Variants in RGS17 observed in about 807,000 individuals in gnomAD.
RGS17 encodes the protein regulator of G-protein signaling 17.
Under a neutral mutation model 25.5 loss-of-function variants are expected in RGS17, and 12 were observed. The ratio of observed to expected loss-of-function variants is 0.47; its 90% confidence interval spans 0.30 to 0.76. The LOEUF is 0.76. Among genes scored for constraint, RGS17 ranks in the 30% least tolerant of loss-of-function variants. The probability of loss-of-function intolerance (pLI) is 0.07; values close to 1 mark genes in which losing one functional copy is unlikely to be tolerated. For synonymous variants in RGS17, 71 were observed against 76.9 expected, an observed-to-expected ratio of 0.92 and a Z score of 0.40; for missense variants, 196 against 242.2, an observed-to-expected ratio of 0.81 and a Z score of 1.27.
At chr6:153,022,843 A>C (rs1032180374) in intron 4 of RGS17, among the ~76,000 whole-genome samples, 1 of 152,224 alleles carries the variant, frequency 6.6e-6, no homozygotes, top group African/African-American at 2.4e-5. Flanking sequence ...CGGTGTTAGA[A>C]ATACAGTGTG....
At chr6:153,078,197 T>G (rs1776914766) in intron 1 of RGS17, among the ~76,000 whole-genome samples, 1 of 152,160 alleles carries the variant, frequency 6.6e-6, no homozygotes, top group Non-Finnish European at 1.5e-5. Flanking sequence ...AGGAAATTTA[T>G]CATCAGCTTT....
At chr6:153,017,215 T>C (rs1308718440) in intron 4 of RGS17, among the ~76,000 whole-genome samples, 2 of 151,794 alleles carry the variant, frequency 1.3e-5, no homozygotes, top group African/African-American at 2.4e-5. Flanking sequence ...TTAGCAGTGC[T>C]GAAAAGTCCG....
intron 2 of RGS17, among the ~76,000 whole-genome samples, chr6:153,031,609 C>T (rs1251084263): frequency 6.6e-6 from 1 of 152,212 alleles, no homozygotes; most frequent in Non-Finnish European, 1.5e-5. Flanking sequence ...TTGGAATTCC[C>T]ATCTTCTGAC....
intron 1 of RGS17, among the ~76,000 whole-genome samples, chr6:153,117,645 C>T (rs1777564210): frequency 6.6e-6 from 1 of 152,170 alleles, no homozygotes. Context: ...CTCCAAACCC[C>T]AGTGTTCTTG....
At chr6:153,084,266 A>G (rs1777022807) in intron 1 of RGS17, among the ~76,000 whole-genome samples, 1 of 152,202 alleles carries the variant, frequency 6.6e-6, no homozygotes, top group Non-Finnish European at 1.5e-5. Context: ...CTCCTAGATG[A>G]TCAGTTATAG....
chr6:153,045,654 A>C (rs541853268), intron 1 of RGS17, among the ~76,000 whole-genome samples: 1 of 152,354 alleles, frequency 6.6e-6, no homozygotes, highest in East Asian at 1.9e-4. Context: ...TGTTACCTGA[A>C]AGCAAAAATC....
chr6:153,034,429 A>G (rs1310481598), intron 2 of RGS17, among the ~76,000 whole-genome samples: 2 of 152,220 alleles, frequency 1.3e-5, no homozygotes, highest in Non-Finnish European at 2.9e-5. Flanking sequence ...ACATGCAAAC[A>G]GAACCTTGCC....
chr6:153,101,494 T>A (rs564932977), intron 1 of RGS17, among the ~76,000 whole-genome samples: 2 of 152,348 alleles, frequency 1.3e-5, no homozygotes, highest in South Asian at 4.1e-4. Flanking sequence ...ATGGCAGATG[T>A]CATTTCTATA....
chr6:153,069,255 G>A (rs961018183), intron 1 of RGS17, among the ~76,000 whole-genome samples: 6 of 152,140 alleles, frequency 3.9e-5, no homozygotes, highest in African/African-American at 1.2e-4. Context: ...ATACACAATG[G>A]AGTAATATTC....
rs1384285283 is a variant in RGS17, at chr6:153,097,284, TTTTTGA to T, written c.-26+33834_-26+33839del. On this transcript the variant is annotated intron_variant, in intron 1 of 4. Coordinates refer to ENST00000206262, the MANE Select transcript of RGS17 (RefSeq NM_012419.5). Reference sequence around the variant, plus strand: ...TTGGTAGGGCTTAGACAATAGCGTTTTTTTGATTTTTTTTTTTTTTTTTTTTTTTTT... The same window carrying T: ...TTGGTAGGGCTTAGACAATAGCGTTTTTTTTTTTTTTTTTTTTTTTTTTTT... Among the ~76,000 whole-genome samples, 9 of 132,132 alleles carry T rather than the reference TTTTTGA, an allele frequency of 6.8e-5. 1 individual carries two copies. Among genetic ancestry groups the T allele is most frequent in the African/African-American group, 2.5e-4 (8 of 31,952 alleles). 86.7% of individuals were successfully genotyped at this position (132,132 alleles called of 152,430 possible).
chr6:153,049,811 A>G (rs1776438182), intron 1 of RGS17, among the ~76,000 whole-genome samples: 1 of 152,132 alleles, frequency 6.6e-6, no homozygotes, highest in Non-Finnish European at 1.5e-5. Flanking sequence ...TTCTAATTCA[A>G]TCATTCATGG....
intron 1 of RGS17, among the ~76,000 whole-genome samples, chr6:153,069,739 C>CATGT (rs138113382): frequency 7.1e-6 from 1 of 140,938 alleles, no homozygotes; most frequent in Admixed American, 7.2e-5. Context: ...ATATACACCT[C>CATGT]GTGTGTGTGT....
chr6:153,037,935 G>T (rs777865424), intron 2 of RGS17, among the ~76,000 whole-genome samples: 13 of 152,144 alleles, frequency 8.5e-5, no homozygotes, highest in Non-Finnish European at 1.6e-4. Flanking sequence ...GTCAAACTCT[G>T]ACCTTTCATG....
At chr6:153,075,379 A>G (rs1776862738) in intron 1 of RGS17, among the ~76,000 whole-genome samples, 1 of 152,194 alleles carries the variant, frequency 6.6e-6, no homozygotes, top group African/African-American at 2.4e-5. Flanking sequence ...AACTGTGTCT[A>G]TTCAACTGTT....
At chr6:153,012,438 C>T (rs1779143673) in intron 4 of RGS17, among the ~76,000 whole-genome samples, 1 of 152,170 alleles carries the variant, frequency 6.6e-6, no homozygotes, top group Admixed American at 6.5e-5. Flanking sequence ...GCAGAATGAC[C>T]ATTAAGATAA....
chr6:153,009,934 G>T lies in RGS17; in HGVS notation c.*1640C>A, dbSNP rs1303951073. On this transcript the variant is annotated 3_prime_UTR_variant, in exon 5 of 5. Transcript: ENST00000206262. ...ATTTTTGAAATGTTTTAAGTTTATG[G>T]AAAAAGAAACTTGTGATGCCAACCT... 2 of 151,558 alleles carry T rather than the reference G, an allele frequency of 1.3e-5. No homozygotes were observed. The highest frequency in any genetic ancestry group is 3.0e-5 in the Non-Finnish European group (2 of 67,758). 9.4% of individuals were successfully genotyped at this position (151,558 alleles called of 1,614,324 possible). A position where few individuals can be genotyped will look rare whatever the true frequency, so the allele number is the denominator to read the frequency against.
At chr6:153,062,033 T>C (rs1477059485) in intron 1 of RGS17, among the ~76,000 whole-genome samples, 3 of 152,284 alleles carry the variant, frequency 2.0e-5, no homozygotes, top group Middle Eastern at 3.4e-3. Flanking sequence ...TAAAAATTTG[T>C]TGGAGAGTGA....
At chr6:153,044,346 T>G (rs1305767052) in intron 1 of RGS17, among the ~76,000 whole-genome samples, 1 of 152,252 alleles carries the variant, frequency 6.6e-6, no homozygotes, top group East Asian at 1.9e-4. Context: ...TTTAACTTCC[T>G]TCTTTACTCA....
chr6:153,004,631 A>G lies in RGS17; in HGVS notation c.*6943T>C, dbSNP rs1243999951. The G allele has an allele frequency of 2.0e-5, 3 of 152,178 alleles. No homozygotes were observed. Among genetic ancestry groups the G allele is most frequent in the Non-Finnish European group, 4.4e-5 (3 of 68,010 alleles). 9.4% of individuals were successfully genotyped at this position (152,178 alleles called of 1,614,324 possible). On this transcript the variant is annotated 3_prime_UTR_variant, in exon 5 of 5. Coordinates refer to ENST00000206262, the MANE Select transcript of RGS17 (RefSeq NM_012419.5). ...GTTCGAGACTTCTGAATATTTTTACATTACTGTCATGCTCAAATTCTGTTA... is the reference window on the plus strand; with the variant it reads ...GTTCGAGACTTCTGAATATTTTTACGTTACTGTCATGCTCAAATTCTGTTA...
Sources: allele counts gnomAD v4.1 joint callset (sites outside exome capture counted in the v4.1 genomes callset), GRCh38; gene constraint gnomAD v4.1.1; transcripts MANE v1.5; gene names NCBI Gene and HGNC (gene_info 2026-07-23, HGNC 2026-07-21).